The following BTAF1 variants were observed in gnomAD, a reference collection of about 807,000 sequenced individuals.
BTAF1 encodes TATA-binding protein-associated factor 172.
A neutral mutation model predicts 227.1 loss-of-function variants in BTAF1; 38 were observed. The observed-to-expected ratio is 0.17, with a 90% CI of 0.13 to 0.22. The LOEUF is 0.22. Among genes scored for constraint, BTAF1 ranks in the 10% least tolerant of loss-of-function variants. BTAF1 has a pLI of 1.00. For missense variants in BTAF1, 1,598 were observed against 2,204.0 expected (o/e 0.73, Z 5.51); for synonymous variants, 742 against 751.9 (o/e 0.99, Z 0.21).
At chr10:91,979,837 A>G (rs1222058619) in intron 14 of BTAF1, among the ~76,000 whole-genome samples, 1 of 152,156 alleles carries the variant, frequency 6.6e-6, no homozygotes, top group Admixed American at 6.5e-5. Flanking sequence ...CCCAGGCTTT[A>G]GGAGATCCCT....
At chr10:91,988,165 C>T (rs1464541341) in intron 19 of BTAF1, among the ~76,000 whole-genome samples, 1 of 152,202 alleles carries the variant, frequency 6.6e-6, no homozygotes, top group African/African-American at 2.4e-5. Flanking sequence ...GCACTTACCT[C>T]AGTTATATGT....
intron 14 of BTAF1, among the ~76,000 whole-genome samples, chr10:91,976,532 G>A (rs967573990): frequency 1.3e-5 from 2 of 152,028 alleles, no homozygotes; most frequent in African/African-American, 2.4e-5. Flanking sequence ...GAGTCACTTC[G>A]TTAGCACAAA....
rs1851804622 is a variant in BTAF1, at chr10:92,030,142, A to G, written c.*1209A>G. The G allele has an allele frequency of 6.6e-6, 1 of 152,582 alleles. No homozygotes were observed. The highest frequency in any genetic ancestry group is 2.1e-4 in the South Asian group (1 of 4,828). 9.5% of individuals were successfully genotyped at this position (152,582 alleles called of 1,614,324 possible). ...CCCCAAGGTTTGTGGCTGGCCATAC[A>G]CATAGGCATCAGTTTAACAACCATC... On this transcript the variant is annotated 3_prime_UTR_variant, in exon 38 of 38. Transcript: ENST00000265990.
At chr10:91,978,713 G>A (rs752445368) in intron 14 of BTAF1, among the ~76,000 whole-genome samples, 2 of 151,504 alleles carry the variant, frequency 1.3e-5, no homozygotes, top group Non-Finnish European at 2.9e-5. Context: ...GAATTTCTCT[G>A]ATGGACATTT....
intron 37 of BTAF1, among the ~76,000 whole-genome samples, chr10:92,027,654 C>T (rs1261076490): frequency 6.6e-6 from 1 of 152,048 alleles, no homozygotes; most frequent in Non-Finnish European, 1.5e-5. Flanking sequence ...AGCTTCTATA[C>T]CTATTTTACT....
chr10:92,002,666 T>C lies in BTAF1; in HGVS notation c.3660+4915T>C, dbSNP rs541835120. ...TCTTAGCAGATAAAGTTAATTCCAA[T>C]ACCTTTGAAAATAGACTCAATCTAC... is the stretch of plus-strand genomic sequence containing the variant. On this transcript the variant is annotated intron_variant, in intron 25 of 37. Transcript: ENST00000265990. Among the ~76,000 whole-genome samples the C allele has an allele frequency of 3.9e-5, 6 of 152,256 alleles. No individual in the cohort carries two copies. The South Asian group carries it at 1.2e-3, about 32-fold the overall frequency.
At chr10:91,966,881 G>A in intron 14 of BTAF1, 124 bp downstream of exon 14, 1 of 826,276 alleles carries the variant, frequency 1.2e-6, no homozygotes, top group Non-Finnish European at 1.8e-6. Context: ...CTAGTGGTAT[G>A]GTAACCATGT....
chr10:91,969,734 C>T (rs1335697241), intron 14 of BTAF1, among the ~76,000 whole-genome samples: 4 of 152,082 alleles, frequency 2.6e-5, no homozygotes, highest in African/African-American at 4.8e-5. Context: ...GAGGCTGAGG[C>T]GGGCGGATCA....
At chr10:91,928,345 A>G (rs555806900) in intron 1 of BTAF1, among the ~76,000 whole-genome samples, 34 of 152,324 alleles carry the variant, frequency 2.2e-4, no homozygotes, top group Admixed American at 2.1e-3. Context: ...CTAAAATTGT[A>G]AATACAATCA....
chr10:91,926,926 A>G (rs1266161692), intron 1 of BTAF1, among the ~76,000 whole-genome samples: 1 of 152,174 alleles, frequency 6.6e-6, no homozygotes, highest in African/African-American at 2.4e-5. Context: ...TCAAACAAAC[A>G]TATCTTACCA....
intron 2 of BTAF1, among the ~76,000 whole-genome samples, chr10:91,936,446 A>C (rs1844617828): frequency 1.3e-5 from 2 of 152,070 alleles, no homozygotes; most frequent in African/African-American, 4.8e-5. Flanking sequence ...GAGCCTCAGG[A>C]TCTCTCTCTC....
At position 92,026,586 on chromosome 10, in the gene BTAF1, T is replaced by G. The variant is rs1252882803; in HGVS notation, c.5076-6T>G. ...GACTAATTTTATTTTTGTTATCTACTTTTAGGTTTAATAATGATCCATCTA... is the reference window on the plus strand; with the variant it reads ...GACTAATTTTATTTTTGTTATCTACGTTTAGGTTTAATAATGATCCATCTA... On this transcript the variant is annotated splice_region_variant and splice_polypyrimidine_tract_variant and intron_variant, in intron 35 of 37. Transcript: ENST00000265990. 1 of 1,602,046 alleles carries G rather than the reference T, an allele frequency of 6.2e-7. No individual in the cohort carries two copies. The highest frequency in any genetic ancestry group is 1.7e-5 in the Admixed American group (1 of 58,442).
At chr10:92,001,710 A>G (rs1010751445) in intron 25 of BTAF1, among the ~76,000 whole-genome samples, 1 of 152,198 alleles carries the variant, frequency 6.6e-6, no homozygotes, top group African/African-American at 2.4e-5. Context: ...CAGATGTTTG[A>G]CATTCACCAA....
At chr10:91,926,803 T>G (rs1490119815) in intron 1 of BTAF1, among the ~76,000 whole-genome samples, 1 of 152,254 alleles carries the variant, frequency 6.6e-6, no homozygotes, top group African/African-American at 2.4e-5. Flanking sequence ...TTCAATCTGT[T>G]CTTCGCTTCA....
chr10:91,982,953 C>A (rs1848167268), intron 18 of BTAF1, among the ~76,000 whole-genome samples, 192 bp downstream of exon 18: 1 of 152,170 alleles, frequency 6.6e-6, no homozygotes, highest in African/African-American at 2.4e-5. Flanking sequence ...TGTCTTAGAA[C>A]CCCTACTCAT....
chr10:91,969,465 A>T (rs1209071330), intron 14 of BTAF1, among the ~76,000 whole-genome samples: 1 of 152,066 alleles, frequency 6.6e-6, no homozygotes, highest in Non-Finnish European at 1.5e-5. Context: ...ATTAGTTTTT[A>T]TACTGTTTAT....
intron 2 of BTAF1, among the ~76,000 whole-genome samples, chr10:91,938,857 C>G (rs979143264): frequency 5.3e-5 from 8 of 150,948 alleles, no homozygotes; most frequent in African/African-American, 1.9e-4. Context: ...GACCCCATCT[C>G]TAAAAAATAA....
intron 1 of BTAF1, among the ~76,000 whole-genome samples, chr10:91,929,296 A>G (rs1387973408): frequency 2.0e-5 from 3 of 152,230 alleles, no homozygotes; most frequent in Non-Finnish European, 4.4e-5. Context: ...AAGTTTCAGA[A>G]ATATATAGTT....
Position 91,966,619 on chromosome 10 carries a change from TTG to T in BTAF1, c.1530-14_1530-13del. 1 of 1,611,466 alleles carries T rather than the reference TTG, an allele frequency of 6.2e-7. No individual in the cohort carries two copies. On this transcript the variant is annotated splice_polypyrimidine_tract_variant and intron_variant, in intron 13 of 37. Transcript: ENST00000265990. ...ACAACTTAGAATAAGTAAGATTAAT[TTG>T]TGTCTTCTTTATTAGTATTCAGCAG...
Sources: gnomAD v4.1 joint callset for allele counts (sites outside exome capture counted in the v4.1 genomes callset) on GRCh38, gnomAD v4.1.1 for gene constraint, MANE v1.5 for transcripts, NCBI Gene and HGNC (gene_info 2026-07-23, HGNC 2026-07-21) for gene names.